ADAMTS14: variants seen among roughly 807,000 people sequenced by gnomAD.
The protein encoded by ADAMTS14 is A disintegrin and metalloproteinase with thrombospondin motifs 14.
A neutral mutation model predicts 128.6 loss-of-function variants in ADAMTS14; 100 were observed. That is an observed-to-expected ratio of 0.78 (90% confidence interval 0.66 to 0.92). The LOEUF (loss-of-function observed/expected upper bound fraction) is 0.92. Among genes scored for constraint, ADAMTS14 ranks in the 40% least tolerant of loss-of-function variants. The pLI, the probability that ADAMTS14 is intolerant of heterozygous loss-of-function variation, is 0.00. For missense variants in ADAMTS14, 1,562 were observed against 1,658.6 expected (o/e 0.94, Z 1.01); for synonymous variants, 665 against 653.8 (o/e 1.02, Z -0.26).
intron 2 of ADAMTS14, among the ~76,000 whole-genome samples, chr10:70,681,136 A>T (rs1040480279): frequency 6.6e-6 from 1 of 152,196 alleles, no homozygotes; most frequent in African/African-American, 2.4e-5. Flanking sequence ...GGGAGGCTGA[A>T]CTGCACAGTA....
At chr10:70,684,120 G>C (rs201949956) in intron 2 of ADAMTS14, among the ~76,000 whole-genome samples, 10 of 151,860 alleles carry the variant, frequency 6.6e-5, no homozygotes, top group African/African-American at 2.4e-4. Flanking sequence ...GAGGTATCTC[G>C]CATGGCGGGA....
At chr10:70,708,897 G>A in intron 4 of ADAMTS14, 119 bp downstream of exon 4, 1 of 803,558 alleles carries the variant, frequency 1.2e-6, no homozygotes, top group Non-Finnish European at 1.8e-6. Context: ...TTTTTTAGGT[G>A]GATTTGGGGA....
chr10:70,703,102 A>G (rs564050015), intron 3 of ADAMTS14, among the ~76,000 whole-genome samples: 3 of 152,322 alleles, frequency 2.0e-5, no homozygotes, highest in Non-Finnish European at 4.4e-5. Flanking sequence ...GATAAATGGC[A>G]GCTCTCCTTA....
intron 3 of ADAMTS14, 35 bp from the exon 4 acceptor site, chr10:70,708,553 G>T (rs759414270): frequency 1.1e-5 from 18 of 1,570,124 alleles, no homozygotes; most frequent in Non-Finnish European, 1.6e-5. Flanking sequence ...CCCTCCTGTG[G>T]GTTGGACCTC....
In ADAMTS14 at chr10:70,674,767, T is replaced by C; in HGVS notation, c.294T>C (p.Pro98=). 2 of 1,613,462 alleles carry C rather than the reference T, an allele frequency of 1.2e-6. No homozygotes were observed. Among genetic ancestry groups the C allele is most frequent in the East Asian group, 2.2e-5 (1 of 44,868 alleles). The change falls in exon 2 of 22, where the codon CCT becomes CCC. Residue 98 remains proline (P), a synonymous_variant. Transcript: ENST00000373207. ...TGCACCCAGGAGGGACCCTGTGGCC[T>C]GGCAGGGTGGGGCGCCACTCCCTCT... ...SPLHPGGTLW[P]GRVGRHSLYF...
intron 16 of ADAMTS14, 87 bp downstream of exon 16, chr10:70,750,072 C>T: frequency 6.5e-7 from 1 of 1,539,408 alleles, no homozygotes; most frequent in Non-Finnish European, 8.8e-7. Context: ...CAGCGTGACA[C>T]CATTCTGGTG....
chr10:70,749,785 G>A (rs1564557137), intron 15 of ADAMTS14, 37 bp from the exon 16 acceptor site: 5 of 1,606,696 alleles, frequency 3.1e-6, no homozygotes, highest in Non-Finnish European at 4.3e-6. Flanking sequence ...GTGGAGAGGA[G>A]CAGAAATCTG....
In ADAMTS14 at chr10:70,760,897, T is replaced by C; in HGVS notation, c.*44T>C. 6.6e-7 allele frequency: 1 copy of C among 1,516,804 alleles called. No individual in the cohort carries two copies. Among genetic ancestry groups the C allele is most frequent in the African/African-American group, 1.4e-5 (1 of 72,032 alleles). The allele number at this position is 1,516,804 out of a possible 1,614,324, so 94.0% of individuals were successfully genotyped here. A position where few individuals can be genotyped will look rare whatever the true frequency, so the allele number is the denominator to read the frequency against. On this transcript the variant is annotated 3_prime_UTR_variant, in exon 22 of 22. Transcript: ENST00000373207. ...ACTGGCACGTTTACACTCTGTGTAC[T>C]GCCCCGTGACTCCCAGCTCAGAGGA...
chr10:70,736,055 A>G (rs1356610815), intron 9 of ADAMTS14, among the ~76,000 whole-genome samples: 2 of 152,234 alleles, frequency 1.3e-5, no homozygotes, highest in East Asian at 1.9e-4. Context: ...TGGTCTGACA[A>G]AGTGCCTGAG....
chr10:70,688,621 C>G (rs1840066581), intron 2 of ADAMTS14, among the ~76,000 whole-genome samples: 1 of 104,630 alleles, frequency 9.6e-6, no homozygotes, highest in Admixed American at 9.6e-5. Context: ...ATCCCGGCAC[C>G]TCGGGAGGCC....
At chr10:70,685,616 G>A (rs56269548) in intron 2 of ADAMTS14, among the ~76,000 whole-genome samples, 22 of 152,150 alleles carry the variant, frequency 1.4e-4, no homozygotes, top group Admixed American at 7.9e-4. Context: ...TGAGTGTCAG[G>A]TGTCAGGGCA....
intron 8 of ADAMTS14, 89 bp downstream of exon 8, chr10:70,734,117 C>T (rs961371883): frequency 2.2e-5 from 34 of 1,529,422 alleles, no homozygotes; most frequent in South Asian, 2.1e-4. Context: ...GGCTTCCCCA[C>T]GTTGCCCCTG....
At chr10:70,693,960 A>C (rs1453728842) in intron 2 of ADAMTS14, among the ~76,000 whole-genome samples, 1 of 152,246 alleles carries the variant, frequency 6.6e-6, no homozygotes, top group Non-Finnish European at 1.5e-5. Flanking sequence ...GTTGTGGACA[A>C]GTCTGGCAGC....
intron 12 of ADAMTS14, 112 bp downstream of exon 12, chr10:70,741,274 G>A (rs1235853581): frequency 1.1e-5 from 15 of 1,323,836 alleles, no homozygotes; most frequent in Middle Eastern, 2.6e-4. Flanking sequence ...TGGAGGGACA[G>A]TGGGGGTGCC....
intron 19 of ADAMTS14, among the ~76,000 whole-genome samples, chr10:70,757,284 C>T (rs955975531): frequency 6.6e-6 from 1 of 152,172 alleles, no homozygotes; most frequent in African/African-American, 2.4e-5. Flanking sequence ...GCCTCCTGCT[C>T]CTTGTACCCG....
chr10:70,683,202 C>T (rs577933903), intron 2 of ADAMTS14, among the ~76,000 whole-genome samples: 55 of 152,326 alleles, frequency 3.6e-4, no homozygotes, highest in Non-Finnish European at 6.8e-4. Flanking sequence ...AGGGGAAACC[C>T]GTTTACCTCC....
chr10:70,685,370 G>T (rs768901370), intron 2 of ADAMTS14, among the ~76,000 whole-genome samples: 1 of 152,222 alleles, frequency 6.6e-6, no homozygotes, highest in Non-Finnish European at 1.5e-5. Context: ...ATCCTTAGCA[G>T]CACCAAGGAG....
At chr10:70,729,997 C>T (rs1183613518) in intron 5 of ADAMTS14, 105 bp from the exon 6 acceptor site, 1 of 1,393,968 alleles carries the variant, frequency 7.2e-7, no homozygotes, top group Non-Finnish European at 9.6e-7. Flanking sequence ...GTCCTGCAGT[C>T]CTCTGGGCCT....
chr10:70,688,850 G>GAGGGA (rs1840083139), intron 2 of ADAMTS14, among the ~76,000 whole-genome samples: 1 of 4,406 alleles, frequency 2.3e-4, no homozygotes, highest in Non-Finnish European at 4.0e-4. Context: ...GACCGGAGGG[G>GAGGGA]GAGGGGGAGG....
Sources: gnomAD v4.1 joint callset for allele counts (sites outside exome capture counted in the v4.1 genomes callset) on GRCh38, gnomAD v4.1.1 for gene constraint, MANE v1.5 for transcripts, NCBI Gene and HGNC (gene_info 2026-07-23, HGNC 2026-07-21) for gene names.